Variants in HAUS1 observed in about 807,000 individuals in gnomAD.
HAUS1 encodes HAUS augmin like complex subunit 1.
A neutral mutation model predicts 38.6 loss-of-function variants in HAUS1; 25 were observed. The ratio of observed to expected loss-of-function variants is 0.65; its 90% CI spans 0.47 to 0.91. The LOEUF is 0.91. Among genes scored for constraint, HAUS1 ranks in the 40% least tolerant of loss-of-function variants. The probability of loss-of-function intolerance (pLI) is 0.00; values close to 1 mark genes in which losing one functional copy is unlikely to be tolerated. For synonymous variants in HAUS1, 109 were observed against 112.9 expected, an observed-to-expected ratio of 0.97 and a Z score of 0.22; for missense variants, 325 against 328.4, an observed-to-expected ratio of 0.99 and a Z score of 0.08.
rs541322583 is a variant in HAUS1, at chr18:46,109,965, T to C, written c.205+4597T>C. On this transcript the variant is annotated intron_variant, in intron 2 of 8. Transcript: ENST00000282058. ...TTAAGGGAAGAAAGTAGAAAAAATA[T>C]GCATGTATGCTGTCTTTATAATTCC... Among the ~76,000 whole-genome samples, 36 of 152,212 alleles carry C rather than the reference T, an allele frequency of 2.4e-4. No individual in the cohort carries two copies. The South Asian group carries it at 7.0e-3, about 30-fold the overall frequency.
At chr18:46,105,909 A>T (rs1911461521) in intron 2 of HAUS1, among the ~76,000 whole-genome samples, 1 of 152,166 alleles carries the variant, frequency 6.6e-6, no homozygotes. Flanking sequence ...AATAAATGTT[A>T]TTATACTAAA....
At position 46,107,054 on chromosome 18, in the gene HAUS1, A is replaced by G. The variant is rs1324589041; in HGVS notation, c.205+1686A>G. ...TAATTAATTAATTAATTAAAAATTA[A>G]CATACAGTAAAATTGACTTTTTATT... is the stretch of plus-strand genomic sequence containing the variant. On this transcript the variant is annotated intron_variant, in intron 2 of 8. Coordinates refer to ENST00000282058, the MANE Select transcript of HAUS1 (RefSeq NM_138443.4). Among the ~76,000 whole-genome samples, 3 of 152,180 alleles carry G rather than the reference A, an allele frequency of 2.0e-5. No homozygotes were observed. The East Asian group carries it at 5.8e-4, about 29-fold the overall frequency.
chr18:46,106,104 G>A (rs1442779116), intron 2 of HAUS1, among the ~76,000 whole-genome samples: 4 of 152,098 alleles, frequency 2.6e-5, no homozygotes, highest in African/African-American at 9.7e-5. Flanking sequence ...TGTGAGACTT[G>A]GACGAAATTA....
intron 2 of HAUS1, among the ~76,000 whole-genome samples, chr18:46,109,176 C>A (rs961987372): frequency 6.6e-6 from 1 of 151,850 alleles, no homozygotes; most frequent in Admixed American, 6.6e-5. Context: ...GAAGGGGAAG[C>A]AAGGCACGTC....
At chr18:46,106,511 C>T (rs1911487105) in intron 2 of HAUS1, among the ~76,000 whole-genome samples, 1 of 151,708 alleles carries the variant, frequency 6.6e-6, no homozygotes. Context: ...TTCAAGATGC[C>T]TATTGTTTTG....
At chr18:46,107,378 A>T (rs1409620014) in intron 2 of HAUS1, among the ~76,000 whole-genome samples, 1 of 152,168 alleles carries the variant, frequency 6.6e-6, no homozygotes, top group Non-Finnish European at 1.5e-5. Flanking sequence ...TTTCAAAGTA[A>T]AATTATTTAT....
At chr18:46,115,473 A>T (rs551914720) in intron 2 of HAUS1, among the ~76,000 whole-genome samples, 48 of 151,324 alleles carry the variant, frequency 3.2e-4, no homozygotes, top group African/African-American at 1.2e-3. Flanking sequence ...AAAAAAAAAA[A>T]AAAAATTAGC....
chr18:46,118,828 CCA>C (rs1911860986), intron 3 of HAUS1, among the ~76,000 whole-genome samples: 1 of 152,126 alleles, frequency 6.6e-6, no homozygotes, highest in African/African-American at 2.4e-5. Context: ...CATATGACTA[CCA>C]CTTTTGGCCA....
chr18:46,110,152 CTTTTTT>C (rs869105132), intron 2 of HAUS1, among the ~76,000 whole-genome samples: 1 of 115,368 alleles, frequency 8.7e-6, no homozygotes, highest in Non-Finnish European at 1.8e-5. Flanking sequence ...TTATTTTGTC[CTTTTTT>C]TTTTTTTTTT....
At chr18:46,112,047 G>A (rs1291073535) in intron 2 of HAUS1, among the ~76,000 whole-genome samples, 9 of 148,242 alleles carry the variant, frequency 6.1e-5, no homozygotes, top group South Asian at 2.1e-4. Context: ...CACCACACCC[G>A]GCTAACTTTT....
In HAUS1 at chr18:46,121,893, G is replaced by A. The variant is rs181505818; in HGVS notation, c.477-574G>A. 1.2e-4 allele frequency among the ~76,000 whole-genome samples: 19 copies of A among 152,128 alleles called. No homozygotes were observed. In the East Asian group the frequency reaches 2.5e-3, roughly 20 times the overall value. On this transcript the variant is annotated intron_variant, in intron 4 of 8. Coordinates refer to ENST00000282058, the MANE Select transcript of HAUS1 (RefSeq NM_138443.4). ...GTCTTACTCTGCCACCCACACTGGAGTGCAGTGGTACAATCTCAGCTCATT... is the reference window on the plus strand; with the variant it reads ...GTCTTACTCTGCCACCCACACTGGAATGCAGTGGTACAATCTCAGCTCATT...
At chr18:46,122,332 C>T (rs1911965624) in intron 4 of HAUS1, 135 bp from the exon 5 acceptor site, 1 of 749,966 alleles carries the variant, frequency 1.3e-6, no homozygotes, top group South Asian at 1.8e-5. Context: ...CAGAGTGCAA[C>T]ATGGAGGGGA....
intron 2 of HAUS1, among the ~76,000 whole-genome samples, chr18:46,112,987 A>ATG (rs1911699486): frequency 4.4e-5 from 1 of 22,866 alleles, no homozygotes; most frequent in Non-Finnish European, 7.9e-5. Flanking sequence ...TATATATATA[A>ATG]TATATATTCC....
Position 46,118,281 on chromosome 18 carries a change from G to A in HAUS1, c.306G>A (p.Ala102=), listed in dbSNP as rs137955751. ...SRYLNALVDS[A]VALETKDTSL... is the part of the protein sequence containing the mutation. ...ATCTGAATGCTTTGGTTGACAGTGC[G>A]GTGGCCCTTGAAACAAAGGATACCT... Residue 102 remains alanine, a synonymous_variant, in exon 3 of 9, where the codon GCG becomes GCA. Coordinates refer to ENST00000282058, the MANE Select transcript of HAUS1 (RefSeq NM_138443.4). 2.0e-5 allele frequency: 32 copies of A among 1,613,292 alleles called. No homozygotes were observed. The highest frequency in any genetic ancestry group is 1.2e-4 in the African/African-American group (9 of 75,006).
rs768929925 is a variant in HAUS1 at position 46,128,145 on chromosome 18, C to T, written c.*20C>T. 2.6e-6 allele frequency: 4 copies of T among 1,532,502 alleles called. No individual in the cohort carries two copies. In the Admixed American group the frequency reaches 8.1e-5, roughly 31 times the overall value. The allele number at this position is 1,532,502 out of a possible 1,614,324, so 94.9% of individuals were successfully genotyped here. A position where few individuals can be genotyped will look rare whatever the true frequency, so the allele number is the denominator to read the frequency against. On this transcript the variant is annotated 3_prime_UTR_variant, in exon 9 of 9. Transcript: ENST00000282058. ...CTGTGACAAAAGCCAAATAAACATC[C>T]TTTTCCCTAACAAAGTAAATTGAAT... is the stretch of plus-strand genomic sequence containing the variant.
At chr18:46,126,868 T>C (rs1912123570) in intron 8 of HAUS1, 1 of 151,560 alleles carries the variant, frequency 6.6e-6, no homozygotes, top group Non-Finnish European at 1.5e-5. Context: ...GGAGTCTTGC[T>C]CTGTTGCCCA....
chr18:46,126,408 T>G (rs1912106193), intron 8 of HAUS1, among the ~76,000 whole-genome samples: 1 of 152,208 alleles, frequency 6.6e-6, no homozygotes, highest in Admixed American at 6.5e-5. Flanking sequence ...GCATATAAGC[T>G]GAAACATGGA....
At chr18:46,107,328 C>T (rs1911506290) in intron 2 of HAUS1, among the ~76,000 whole-genome samples, 1 of 152,082 alleles carries the variant, frequency 6.6e-6, no homozygotes, top group Admixed American at 6.6e-5. Context: ...TAAGAGCTTT[C>T]TTTTTTGTCT....
intron 2 of HAUS1, among the ~76,000 whole-genome samples, chr18:46,113,332 C>T (rs1372762684): frequency 6.6e-6 from 1 of 151,924 alleles, no homozygotes; most frequent in East Asian, 1.9e-4. Flanking sequence ...CTGCCTTGGC[C>T]TCCCAAAGTG....
Sources: gnomAD v4.1 joint callset for allele counts (sites outside exome capture counted in the v4.1 genomes callset) on GRCh38, gnomAD v4.1.1 for gene constraint, MANE v1.5 for transcripts, NCBI Gene and HGNC (gene_info 2026-07-23, HGNC 2026-07-21) for gene names.